The following VWDE variants were observed in gnomAD, a reference collection of about 807,000 sequenced individuals.
VWDE encodes the protein von Willebrand factor D and EGF domain-containing protein.
VWDE carries 207 observed loss-of-function variants against 178.4 expected under a neutral mutation model. That is an observed-to-expected ratio of 1.16 (90% CI 1.04 to 1.30). The LOEUF is 1.30. Ranked by LOEUF, VWDE falls within the 50% of genes most tolerant of loss-of-function variation. The pLI is 0.00. For synonymous variants in VWDE, 738 were observed against 651.4 expected (o/e 1.13, Z -2.02); for missense variants, 2,287 against 1,901.3 (o/e 1.20, Z -3.77).
At position 12,332,683 on chromosome 7, in the gene VWDE, C is replaced by T. The variant is rs370266055; in HGVS notation, c.4758+782G>A. Among the ~76,000 whole-genome samples the T allele has an allele frequency of 4.6e-4, 70 of 152,230 alleles. 1 individual carries two copies. The highest frequency in any genetic ancestry group is 1.6e-3 in the African/African-American group (68 of 41,552). ...TTGCTTTCCAGTTTTCAAACCATAG[C>T]CCTATTATGATCTGGTTATTTTCAC... On this transcript the variant is annotated intron_variant, in intron 28 of 28. Coordinates refer to ENST00000275358, the MANE Select transcript of VWDE (RefSeq NM_001135924.3).
intron 13 of VWDE, among the ~76,000 whole-genome samples, chr7:12,363,214 C>G (rs1782678895): frequency 6.6e-6 from 1 of 152,038 alleles, no homozygotes; most frequent in South Asian, 2.1e-4. Context: ...AAAGCAAACA[C>G]TTCTCTTCCT....
At chr7:12,400,652 C>T (rs753659814) in intron 1 of VWDE, among the ~76,000 whole-genome samples, 4 of 151,974 alleles carry the variant, frequency 2.6e-5, no homozygotes, top group Non-Finnish European at 5.9e-5. Context: ...TTGTCTCAAA[C>T]ACTTTCAAAA....
At chr7:12,357,994 C>A (rs1782355448) in intron 16 of VWDE, among the ~76,000 whole-genome samples, 1 of 152,132 alleles carries the variant, frequency 6.6e-6, no homozygotes, top group Non-Finnish European at 1.5e-5. Context: ...GTACTTGCCT[C>A]CCCAGCTATA....
Position 12,370,516 on chromosome 7 carries a change from G to T in VWDE, c.1797-7C>A. The T allele has an allele frequency of 6.5e-7, 1 of 1,534,280 alleles. No homozygotes were observed. Among genetic ancestry groups the T allele is most frequent in the South Asian group, 1.2e-5 (1 of 82,900 alleles). ...GCTTTTTCCTGGTAAAATCCTTCCA[G>T]ATGGAAAACAGGAAAGAATAGTAAT... On this transcript the variant is annotated splice_polypyrimidine_tract_variant and splice_region_variant and intron_variant, in intron 11 of 28. Transcript: ENST00000275358.
intron 16 of VWDE, among the ~76,000 whole-genome samples, chr7:12,359,148 T>C (rs1323271571): frequency 2.6e-5 from 4 of 152,288 alleles, no homozygotes. Context: ...GGGGTATTGT[T>C]TGAAACAAAG....
chr7:12,380,813 T>G, intron 4 of VWDE, 80 bp from the exon 5 acceptor site: 2 of 1,461,076 alleles, frequency 1.4e-6, no homozygotes, highest in African/African-American at 1.4e-5. Context: ...TCAAAGACTA[T>G]AACTCTGTGG....
At chr7:12,344,832 G>C (rs1380707237) in intron 19 of VWDE, among the ~76,000 whole-genome samples, 2 of 152,010 alleles carry the variant, frequency 1.3e-5, no homozygotes, top group Non-Finnish European at 2.9e-5. Context: ...CGAAAGAGTT[G>C]GAAAGATTAC....
In VWDE at chr7:12,352,645, A is replaced by G. The variant is rs555851084; in HGVS notation, c.3746-932T>C. Among the ~76,000 whole-genome samples, 4 of 152,310 alleles carry G rather than the reference A, an allele frequency of 2.6e-5. No individual in the cohort carries two copies. In the East Asian group the frequency reaches 5.8e-4, roughly 22 times the overall value. On this transcript the variant is annotated intron_variant, in intron 18 of 28. Transcript: ENST00000275358. ...TTAGGGATGGGATATTCAGGAGTAA[A>G]TGTGAGAAGCAGAAGTAGAGAATTC...
chr7:12,359,721 A>G (rs1296633282), intron 15 of VWDE, 29 bp from the exon 16 acceptor site: 2 of 1,371,234 alleles, frequency 1.5e-6, no homozygotes, highest in Non-Finnish European at 2.0e-6. Flanking sequence ...AAAAGAAAAC[A>G]TCAAAGTACA....
At chr7:12,332,468 C>G (rs868829289) in intron 28 of VWDE, among the ~76,000 whole-genome samples, 4 of 152,004 alleles carry the variant, frequency 2.6e-5, no homozygotes, top group Non-Finnish European at 5.9e-5. Flanking sequence ...ATAGAGCAGC[C>G]ACCTAGTTTA....
chr7:12,370,164 A>T lies in VWDE; in HGVS notation c.2142T>A (p.His714Gln). 1 of 1,551,250 alleles carries T rather than the reference A, an allele frequency of 6.4e-7. No homozygotes were observed. The highest frequency in any genetic ancestry group is 8.7e-7 in the Non-Finnish European group (1 of 1,146,830). Reference protein sequence around the residue: ...LTKLGLNVQKHPGNEKEDSLQ... With the variant: ...LTKLGLNVQKQPGNEKEDSLQ... Reference sequence around the variant, plus strand: ...GTGAATCTTCTTTCTCATTTCCAGGATGTTTTTGTACATTTAAGCCGAGTT... The same window carrying T: ...GTGAATCTTCTTTCTCATTTCCAGGTTGTTTTTGTACATTTAAGCCGAGTT... Residue 714 changes from histidine (H) to glutamine (Q), a missense_variant, in exon 12 of 29, where the codon CAT becomes CAA. Coordinates refer to ENST00000275358, the MANE Select transcript of VWDE (RefSeq NM_001135924.3).
chr7:12,378,972 T>A (rs925261637), intron 6 of VWDE, among the ~76,000 whole-genome samples: 7 of 152,146 alleles, frequency 4.6e-5, no homozygotes, highest in Non-Finnish European at 1.0e-4. Context: ...GCTTATTAAT[T>A]CCCTGTCATC....
At chr7:12,391,313 G>A (rs964967077) in intron 2 of VWDE, among the ~76,000 whole-genome samples, 4 of 152,016 alleles carry the variant, frequency 2.6e-5, no homozygotes, top group Non-Finnish European at 4.4e-5. Context: ...GTAAGTCCAC[G>A]TGTATTAACC....
chr7:12,354,678 C>T (rs1782128006), intron 18 of VWDE, among the ~76,000 whole-genome samples: 1 of 152,164 alleles, frequency 6.6e-6, no homozygotes. Context: ...TCACTAATTA[C>T]ATTCAATTTA....
Position 12,379,855 on chromosome 7 carries a change from G to A in VWDE, c.790-289C>T, listed in dbSNP as rs898875636. Among the ~76,000 whole-genome samples, 23 of 152,132 alleles carry A rather than the reference G, an allele frequency of 1.5e-4. 1 individual carries two copies. Among genetic ancestry groups the A allele is most frequent in the Admixed American group, 9.2e-4 (14 of 15,280 alleles). On this transcript the variant is annotated intron_variant, in intron 5 of 28. Transcript: ENST00000275358. ...CACGCCTGTAATCCCAGCACTTTGG[G>A]AGGCCGAGGCGGGCGGATCACGAGG...
chr7:12,357,764 C>T (rs1289198447), intron 16 of VWDE, among the ~76,000 whole-genome samples: 1 of 151,996 alleles, frequency 6.6e-6, no homozygotes, highest in Admixed American at 6.6e-5. Context: ...GGATACAGCA[C>T]AGAATATATA....
intron 22 of VWDE, 71 bp downstream of exon 22, chr7:12,343,012 G>T: frequency 8.9e-7 from 1 of 1,124,676 alleles, no homozygotes; most frequent in Non-Finnish European, 1.3e-6. Context: ...TTCATTTCAC[G>T]TAGCATTAAG....
intron 27 of VWDE, among the ~76,000 whole-genome samples, chr7:12,334,933 T>A (rs1404595909): frequency 6.6e-6 from 1 of 152,196 alleles, no homozygotes; most frequent in Non-Finnish European, 1.5e-5. Flanking sequence ...AGCATACATA[T>A]CTTATGTAAA....
intron 19 of VWDE, among the ~76,000 whole-genome samples, chr7:12,351,062 T>C (rs1712208161): frequency 2.0e-5 from 3 of 152,200 alleles, no homozygotes; most frequent in South Asian, 2.1e-4. Context: ...ATCAAAAATG[T>C]CTTGAGAGAT....
Sources: allele counts gnomAD v4.1 joint callset (sites outside exome capture counted in the v4.1 genomes callset), GRCh38; gene constraint gnomAD v4.1.1; transcripts MANE v1.5; gene names NCBI Gene and HGNC (gene_info 2026-07-23, HGNC 2026-07-21).